HMGA2: variants seen among roughly 807,000 people sequenced by gnomAD.
HMGA2 encodes high mobility group protein HMGI-C.
A neutral mutation model predicts 19.1 loss-of-function variants in HMGA2; 8 were observed. The ratio of observed to expected loss-of-function variants is 0.42; its 90% CI spans 0.25 to 0.76. The LOEUF (loss-of-function observed/expected upper bound fraction) is 0.76, where lower values mean the gene tolerates loss of function less well. HMGA2 is among the 30% of genes least tolerant of loss of function. HMGA2 has a pLI of 0.28. For synonymous variants in HMGA2, 60 were observed against 48.8 expected (o/e 1.23, Z -0.96); for missense variants, 109 against 136.3 (o/e 0.80, Z 1.00).
intron 3 of HMGA2, among the ~76,000 whole-genome samples, chr12:65,894,593 A>C (rs1461924225): frequency 6.6e-6 from 1 of 152,226 alleles, no homozygotes; most frequent in Non-Finnish European, 1.5e-5. Flanking sequence ...ACATAGGTGG[A>C]AATTTGCAAA....
chr12:65,895,343 GA>G (rs1041100283), intron 3 of HMGA2, among the ~76,000 whole-genome samples: 12 of 147,198 alleles, frequency 8.2e-5, no homozygotes, highest in Middle Eastern at 3.5e-3. Context: ...TTAAGAAGGG[GA>G]AAAAAAAAAC....
At chr12:65,939,826 T>A (rs935679217) in intron 3 of HMGA2, among the ~76,000 whole-genome samples, 7 of 152,094 alleles carry the variant, frequency 4.6e-5, no homozygotes, top group African/African-American at 2.4e-5. Context: ...GCAAGAGACG[T>A]GGAGATTTCT....
At chr12:65,872,389 C>G (rs183638557) in intron 3 of HMGA2, among the ~76,000 whole-genome samples, 134 of 152,238 alleles carry the variant, frequency 8.8e-4, no homozygotes, top group African/African-American at 3.1e-3. Context: ...CTCTGCACGT[C>G]GCTCGTCTCC....
At position 65,827,927 on chromosome 12, in the gene HMGA2, A is replaced by G; in HGVS notation, c.112-74A>G. ...CTTTTGAGCAGCACATGCAGAAAAT[A>G]TAGCTAAAGAGTCAGGGTCAATTTC... On this transcript the variant is annotated intron_variant, in intron 1 of 4. Coordinates refer to ENST00000403681, the MANE Select transcript of HMGA2 (RefSeq NM_003483.6). 2.9e-6 allele frequency: 3 copies of G among 1,037,918 alleles called. No homozygotes were observed. The South Asian group carries it at 3.8e-5, about 13-fold the overall frequency. The allele number at this position is 1,037,918 out of a possible 1,614,324, so 64.3% of individuals were successfully genotyped here.
intron 2 of HMGA2, 44 bp downstream of exon 2, chr12:65,828,131 G>A (rs1347985007): frequency 7.9e-6 from 11 of 1,386,308 alleles, no homozygotes; most frequent in Non-Finnish European, 1.1e-5. Flanking sequence ...ATCAATGACT[G>A]ACTACAGGAG....
At chr12:65,878,074 C>G (rs1279193552) in intron 3 of HMGA2, among the ~76,000 whole-genome samples, 1 of 152,168 alleles carries the variant, frequency 6.6e-6, no homozygotes, top group Non-Finnish European at 1.5e-5. Context: ...TTGTGTTATA[C>G]TGTTAACAAG....
At chr12:65,882,761 G>A (rs1269356493) in intron 3 of HMGA2, among the ~76,000 whole-genome samples, 1 of 152,194 alleles carries the variant, frequency 6.6e-6, no homozygotes, top group African/African-American at 2.4e-5. Context: ...AGTAAATGTT[G>A]GCTAGTTATG....
intron 3 of HMGA2, among the ~76,000 whole-genome samples, chr12:65,911,355 T>C (rs896669448): frequency 6.6e-6 from 1 of 152,194 alleles, no homozygotes; most frequent in Non-Finnish European, 1.5e-5. Flanking sequence ...GATAAGAAGA[T>C]AGCTTAATAA....
chr12:65,921,468 C>A (rs1320058214), intron 3 of HMGA2, among the ~76,000 whole-genome samples: 4 of 152,082 alleles, frequency 2.6e-5, no homozygotes, highest in African/African-American at 9.7e-5. Context: ...ACGATGGTCT[C>A]GATCTCCTGA....
At chr12:65,876,191 C>T (rs1873015650) in intron 3 of HMGA2, among the ~76,000 whole-genome samples, 1 of 151,000 alleles carries the variant, frequency 6.6e-6, no homozygotes, top group African/African-American at 2.4e-5. Context: ...CTGTTCCAGC[C>T]TGTTAGTTAA....
chr12:65,932,494 T>A (rs1875750379), intron 3 of HMGA2, among the ~76,000 whole-genome samples: 1 of 152,256 alleles, frequency 6.6e-6, no homozygotes. Flanking sequence ...GCTTGGTGTA[T>A]AGAAGGCACT....
At chr12:65,883,791 T>A (rs1235702771) in intron 3 of HMGA2, among the ~76,000 whole-genome samples, 1 of 152,258 alleles carries the variant, frequency 6.6e-6, no homozygotes, top group Non-Finnish European at 1.5e-5. Flanking sequence ...GTACCAGTTG[T>A]TATTTTCATA....
chr12:65,864,072 G>A (rs1161042116), intron 3 of HMGA2, among the ~76,000 whole-genome samples: 1 of 152,110 alleles, frequency 6.6e-6, no homozygotes, highest in African/African-American at 2.4e-5. Context: ...ACCTTATTTA[G>A]GTCCAAGCAG....
chr12:65,853,548 T>C (rs1429169959), intron 3 of HMGA2, among the ~76,000 whole-genome samples: 1 of 152,184 alleles, frequency 6.6e-6, no homozygotes, highest in Admixed American at 6.5e-5. Flanking sequence ...GTGATCCATA[T>C]GGGATTTGTA....
chr12:65,926,808 G>A (rs1026440695), intron 3 of HMGA2, among the ~76,000 whole-genome samples: 1 of 152,110 alleles, frequency 6.6e-6, no homozygotes, highest in Non-Finnish European at 1.5e-5. Context: ...ACATTCAGCT[G>A]TCTCACAACA....
chr12:65,945,407 G>A (rs774389747), intron 3 of HMGA2, among the ~76,000 whole-genome samples: 22 of 152,142 alleles, frequency 1.4e-4, no homozygotes, highest in Non-Finnish European at 2.6e-4. Flanking sequence ...TCTTGATAAT[G>A]GTCATCCTCC....
At chr12:65,901,551 A>T (rs1044553517) in intron 3 of HMGA2, among the ~76,000 whole-genome samples, 2 of 152,244 alleles carry the variant, frequency 1.3e-5, no homozygotes, top group African/African-American at 2.4e-5. Context: ...ACAAAAACTG[A>T]TACTGAATTT....
chr12:65,893,436 A>T (rs1873998874), intron 3 of HMGA2, among the ~76,000 whole-genome samples: 1 of 152,200 alleles, frequency 6.6e-6, no homozygotes, highest in Non-Finnish European at 1.5e-5. Context: ...TTTCTTCCTG[A>T]GGGTACAAGT....
Position 65,838,608 on chromosome 12 carries a change from G to A in HMGA2, c.249+39G>A. On this transcript the variant is annotated intron_variant, in intron 3 of 4. Transcript: ENST00000403681. ...TATAATTTTTCTTCTTTTTTTTAAA[G>A]AAAAATTTCTGTTGTATTAAATGAG... 3 of 1,443,792 alleles carry A rather than the reference G, an allele frequency of 2.1e-6. No homozygotes were observed. In the Admixed American group the frequency reaches 5.2e-5, roughly 25 times the overall value. 89.4% of individuals were successfully genotyped at this position (1,443,792 alleles called of 1,614,324 possible). A position where few individuals can be genotyped will look rare whatever the true frequency, so the allele number is the denominator to read the frequency against.
Sources: gnomAD v4.1 joint callset for allele counts (sites outside exome capture counted in the v4.1 genomes callset) on GRCh38, gnomAD v4.1.1 for gene constraint, MANE v1.5 for transcripts, NCBI Gene and HGNC (gene_info 2026-07-23, HGNC 2026-07-21) for gene names.